DZIP3: variants seen among roughly 807,000 people sequenced by gnomAD.
DZIP3 encodes E3 ubiquitin-protein ligase DZIP3.
A neutral mutation model predicts 162.0 loss-of-function variants in DZIP3; 118 were observed. That is an observed-to-expected ratio of 0.73 (90% confidence interval 0.63 to 0.85). DZIP3 has a LOEUF of 0.85. Ranked by LOEUF, DZIP3 falls within the 40% of genes least tolerant of loss-of-function variation. The pLI is 0.00. For missense variants in DZIP3, 1,331 were observed against 1,407.0 expected (o/e 0.95, Z 0.86); for synonymous variants, 438 against 458.6 (o/e 0.96, Z 0.57).
At chr3:108,596,260 T>C (rs776606875) in intron 1 of DZIP3, among the ~76,000 whole-genome samples, 1 of 152,226 alleles carries the variant, frequency 6.6e-6, no homozygotes, top group Non-Finnish European at 1.5e-5. Flanking sequence ...TTCAGCCTTT[T>C]CGTGGAGAGG....
intron 5 of DZIP3, 26 bp from the exon 6 acceptor site, chr3:108,624,418 C>A: frequency 7.5e-7 from 1 of 1,329,788 alleles, no homozygotes; most frequent in South Asian, 1.2e-5. Context: ...TCTAAATAAC[C>A]AATTAACATA....
At position 108,671,187 on chromosome 3, in the gene DZIP3, A is replaced by C. The variant is rs549326882; in HGVS notation, c.2493-1373A>C. Among the ~76,000 whole-genome samples the C allele has an allele frequency of 3.3e-5, 5 of 151,926 alleles. No homozygotes were observed. In the East Asian group the frequency reaches 7.7e-4, roughly 24 times the overall value. On this transcript the variant is annotated intron_variant, in intron 22 of 32. Transcript: ENST00000361582. ...CATAATATTTAATGGTATAATAATT[A>C]ATTCCTTTTGTGTTAATATATCTGC...
intron 8 of DZIP3, among the ~76,000 whole-genome samples, chr3:108,631,946 G>A (rs1941909323): frequency 6.6e-6 from 1 of 151,724 alleles, no homozygotes; most frequent in Non-Finnish European, 1.5e-5. Context: ...ATGCCTTGTA[G>A]ACTAGACTGA....
chr3:108,681,630 CAT>C (rs1481501345), intron 26 of DZIP3, among the ~76,000 whole-genome samples: 3 of 152,046 alleles, frequency 2.0e-5, no homozygotes, highest in African/African-American at 7.2e-5. Flanking sequence ...CACATGCACA[CAT>C]ATGTTTATTG....
At chr3:108,687,102 A>G (rs114923459) in intron 28 of DZIP3, among the ~76,000 whole-genome samples, 2 of 152,268 alleles carry the variant, frequency 1.3e-5, no homozygotes, top group African/African-American at 4.8e-5. Flanking sequence ...ATATTCCTAC[A>G]CAAATGAAGT....
chr3:108,688,444 G>A, intron 29 of DZIP3, 149 bp from the exon 30 acceptor site: 2 of 856,226 alleles, frequency 2.3e-6, no homozygotes, highest in Non-Finnish European at 3.5e-6. Flanking sequence ...GAGTATATAA[G>A]TATTGCCACC....
intron 6 of DZIP3, 150 bp downstream of exon 6, chr3:108,624,674 C>T: frequency 2.2e-6 from 1 of 459,314 alleles, no homozygotes; most frequent in Non-Finnish European, 3.8e-6. Flanking sequence ...TGAATGCTTA[C>T]CATTCATGTA....
At chr3:108,670,449 G>A (rs866867696) in intron 22 of DZIP3, among the ~76,000 whole-genome samples, 30 of 151,820 alleles carry the variant, frequency 2.0e-4, no homozygotes, top group African/African-American at 6.8e-4. Flanking sequence ...ATTCATTCAT[G>A]TTGTAGCATG....
chr3:108,603,562 A>G (rs1374658773), intron 1 of DZIP3, among the ~76,000 whole-genome samples: 1 of 152,254 alleles, frequency 6.6e-6, no homozygotes, highest in African/African-American at 2.4e-5. Flanking sequence ...CATTCTGTGT[A>G]GGCAAGATGT....
At chr3:108,612,005 T>A (rs1351582445) in intron 4 of DZIP3, among the ~76,000 whole-genome samples, 1 of 152,126 alleles carries the variant, frequency 6.6e-6, no homozygotes, top group Non-Finnish European at 1.5e-5. Context: ...AATGCATTTT[T>A]AAAAATCATA....
At chr3:108,659,634 C>T (rs1235064938) in intron 19 of DZIP3, among the ~76,000 whole-genome samples, 1 of 151,796 alleles carries the variant, frequency 6.6e-6, no homozygotes, top group Non-Finnish European at 1.5e-5. Context: ...GAAGTTCTGG[C>T]CAGGGCAATC....
intron 17 of DZIP3, among the ~76,000 whole-genome samples, chr3:108,649,659 G>A (rs756628099): frequency 6.6e-5 from 10 of 151,744 alleles, no homozygotes; most frequent in Non-Finnish European, 1.2e-4. Flanking sequence ...AATTGAGTGA[G>A]AATATTTGCC....
intron 14 of DZIP3, among the ~76,000 whole-genome samples, chr3:108,645,413 C>G (rs933314018): frequency 9.2e-5 from 14 of 152,160 alleles, no homozygotes; most frequent in African/African-American, 3.4e-4. Flanking sequence ...AGCAGCTATT[C>G]ATTGGCTGTA....
rs533480502 is a variant in DZIP3 at position 108,660,607 on chromosome 3, G to A, written c.2200-1270G>A. ...GGACTTCATGTCTAAAACACCAAAA[G>A]CAATGGCAACAAAAGCCAAAATTGA... On this transcript the variant is annotated intron_variant, in intron 19 of 32. Transcript: ENST00000361582. 2.5e-3 allele frequency among the ~76,000 whole-genome samples: 379 copies of A among 152,088 alleles called. 1 individual carries two copies. Among genetic ancestry groups the A allele is most frequent in the Middle Eastern group, 0.017 (5 of 294 alleles).
chr3:108,655,378 T>C (rs1412902866), intron 19 of DZIP3, among the ~76,000 whole-genome samples: 1 of 152,034 alleles, frequency 6.6e-6, no homozygotes, highest in Non-Finnish European at 1.5e-5. Context: ...CCACTTACTG[T>C]CTATGTGATT....
At chr3:108,642,678 G>A (rs1349189541) in intron 13 of DZIP3, among the ~76,000 whole-genome samples, 164 bp downstream of exon 13, 1 of 152,112 alleles carries the variant, frequency 6.6e-6, no homozygotes, top group Non-Finnish European at 1.5e-5. Flanking sequence ...GGAAATCACA[G>A]ACAGGAAGAT....
chr3:108,658,756 A>C (rs1224628625), intron 19 of DZIP3, among the ~76,000 whole-genome samples: 2 of 152,014 alleles, frequency 1.3e-5, no homozygotes, highest in African/African-American at 4.8e-5. Flanking sequence ...AGACTAATAA[A>C]GAAGAAAAGA....
At chr3:108,686,204 A>G (rs1376926194) in intron 27 of DZIP3, among the ~76,000 whole-genome samples, 1 of 152,210 alleles carries the variant, frequency 6.6e-6, no homozygotes, top group African/African-American at 2.4e-5. Flanking sequence ...TGTATTAGTT[A>G]AGAGAAAAAC....
At chr3:108,666,125 T>C (rs10049333) in intron 21 of DZIP3, among the ~76,000 whole-genome samples, 2,895 of 152,156 alleles carry the variant, frequency 0.019, 100 homozygotes, top group African/African-American at 0.067. Context: ...ATTTTAACAC[T>C]ATCTCGTGGA....
Sources: allele counts gnomAD v4.1 joint callset (sites outside exome capture counted in the v4.1 genomes callset), GRCh38; gene constraint gnomAD v4.1.1; transcripts MANE v1.5; gene names NCBI Gene and HGNC (gene_info 2026-07-23, HGNC 2026-07-21).